The following ITPR1 variants were observed in gnomAD, a reference collection of about 807,000 sequenced individuals.
ITPR1 encodes the protein inositol 1,4,5-trisphosphate-gated calcium channel ITPR1.
ITPR1 carries 96 observed loss-of-function variants against 318.4 expected under a neutral mutation model. The ratio of observed to expected loss-of-function variants is 0.30; its 90% CI spans 0.26 to 0.36. ITPR1 has a LOEUF of 0.36. Among genes scored for constraint, ITPR1 ranks in the 10% least tolerant of loss-of-function variants. The pLI, the probability that ITPR1 is intolerant of heterozygous loss-of-function variation, is 1.00. For missense variants in ITPR1, 2,440 were observed against 3,460.2 expected (o/e 0.71, Z 7.40); for synonymous variants, 1,312 against 1,289.9 (o/e 1.02, Z -0.37).
intron 61 of ITPR1, among the ~76,000 whole-genome samples, chr3:4,839,000 A>T (rs1370442769): frequency 6.6e-6 from 1 of 152,222 alleles, no homozygotes; most frequent in Non-Finnish European, 1.5e-5. Flanking sequence ...GCCTCATCAA[A>T]GGAGTGAGTT....
intron 4 of ITPR1, among the ~76,000 whole-genome samples, chr3:4,527,135 G>A (rs140517966): frequency 1.2e-3 from 181 of 152,232 alleles, no homozygotes; most frequent in African/African-American, 3.8e-3. Context: ...TATGAGTGTC[G>A]TAGCCAGAGC....
At chr3:4,788,167 C>CAG (rs1559897453) in intron 52 of ITPR1, 28 bp downstream of exon 52, 2 of 1,545,698 alleles carry the variant, frequency 1.3e-6, no homozygotes, top group Non-Finnish European at 8.8e-7. Flanking sequence ...AGCAACAACA[C>CAG]AGAGAGACAC....
chr3:4,594,377 G>T (rs1165845281), intron 4 of ITPR1, among the ~76,000 whole-genome samples: 1 of 152,070 alleles, frequency 6.6e-6, no homozygotes, highest in Non-Finnish European at 1.5e-5. Context: ...TATCCTGGGA[G>T]CACTTCCTTA....
intron 42 of ITPR1, among the ~76,000 whole-genome samples, chr3:4,729,288 A>T (rs2042739179): frequency 6.6e-6 from 1 of 152,230 alleles, no homozygotes; most frequent in South Asian, 2.1e-4. Context: ...ACCTTAGGAC[A>T]GTGAGCTGTG....
At chr3:4,817,216 C>T (rs2049360929) in intron 59 of ITPR1, among the ~76,000 whole-genome samples, 1 of 152,182 alleles carries the variant, frequency 6.6e-6, no homozygotes, top group Non-Finnish European at 1.5e-5. Flanking sequence ...CTCCAAAGAG[C>T]CCCGGTTCTT....
At chr3:4,702,093 A>G (rs1250897600) in intron 35 of ITPR1, among the ~76,000 whole-genome samples, 1 of 152,082 alleles carries the variant, frequency 6.6e-6, no homozygotes, top group African/African-American at 2.4e-5. Flanking sequence ...TACCCTTTGA[A>G]TGGAGACCAA....
chr3:4,714,895 A>ATCATGTTT (rs772216907), intron 39 of ITPR1, among the ~76,000 whole-genome samples: 108 of 152,352 alleles, frequency 7.1e-4, no homozygotes, highest in Non-Finnish European at 1.3e-3. Context: ...CTAAAACATG[A>ATCATGTTT]TAGAATCACT....
chr3:4,768,141 G>C (rs757188162), intron 45 of ITPR1: 1 of 184,750 alleles, frequency 5.4e-6, no homozygotes, highest in African/African-American at 2.3e-5. Context: ...ATTGTGATTA[G>C]CATTATGTTG....
chr3:4,791,272 G>A (rs535063524), intron 52 of ITPR1, among the ~76,000 whole-genome samples: 4 of 152,138 alleles, frequency 2.6e-5, no homozygotes, highest in South Asian at 2.1e-4. Context: ...AGTAGAAAAC[G>A]TGCTGTAAGG....
intron 2 of ITPR1, among the ~76,000 whole-genome samples, chr3:4,497,274 G>A (rs2080663239): frequency 6.6e-6 from 1 of 152,220 alleles, no homozygotes; most frequent in Non-Finnish European, 1.5e-5. Context: ...TAAATTGGAT[G>A]TAGTTTAAGG....
At chr3:4,565,773 A>G (rs2087178135) in intron 4 of ITPR1, among the ~76,000 whole-genome samples, 2 of 152,246 alleles carry the variant, frequency 1.3e-5, no homozygotes, top group Non-Finnish European at 2.9e-5. Flanking sequence ...ACAGAATTAA[A>G]ATTTCAACTT....
intron 4 of ITPR1, chr3:4,595,968 C>T (rs1190604660): frequency 6.6e-6 from 1 of 152,152 alleles, no homozygotes; most frequent in African/African-American, 2.4e-5. Flanking sequence ...CCTGCCACTC[C>T]CACAACCACT....
intron 4 of ITPR1, among the ~76,000 whole-genome samples, chr3:4,587,041 A>T (rs2089977390): frequency 6.6e-6 from 1 of 152,124 alleles, no homozygotes; most frequent in African/African-American, 2.4e-5. Flanking sequence ...CCATCCTTGC[A>T]GTTGGTATAA....
intron 4 of ITPR1, among the ~76,000 whole-genome samples, chr3:4,567,747 A>G (rs150062515): frequency 0.023 from 3,462 of 152,162 alleles, 146 homozygotes; most frequent in African/African-American, 0.079. Flanking sequence ...GACTACAGGC[A>G]TGCGTCACCA....
At chr3:4,506,120 C>T (rs1042579458) in intron 2 of ITPR1, among the ~76,000 whole-genome samples, 1 of 152,204 alleles carries the variant, frequency 6.6e-6, no homozygotes, top group African/African-American at 2.4e-5. Flanking sequence ...TATCCCCATT[C>T]TGCAGATGAG....
intron 12 of ITPR1, among the ~76,000 whole-genome samples, chr3:4,655,795 T>C (rs1408383546): frequency 6.6e-6 from 1 of 152,116 alleles, no homozygotes; most frequent in Non-Finnish European, 1.5e-5. Context: ...TACTTCGATG[T>C]TGATTGGGGG....
At position 4,643,780 on chromosome 3, in the gene ITPR1, A is replaced by G. The variant is rs75272507; in HGVS notation, c.526-356A>G. ...ATAAAGTTATGGCTTTGTCAAAGAT[A>G]AAGACTTACTCTGACTCTATCTTGT... is the stretch of plus-strand genomic sequence containing the variant. On this transcript the variant is annotated intron_variant, in intron 7 of 61. Transcript: ENST00000649015. Among the ~76,000 whole-genome samples the G allele has an allele frequency of 1.3e-3, 204 of 152,334 alleles. 2 individuals are homozygous for G. The highest frequency in any genetic ancestry group is 4.8e-3 in the African/African-American group (200 of 41,570).
intron 46 of ITPR1, among the ~76,000 whole-genome samples, chr3:4,774,615 A>G (rs1188342152): frequency 6.6e-6 from 1 of 152,218 alleles, no homozygotes; most frequent in Non-Finnish European, 1.5e-5. Context: ...TCTTGCTCCT[A>G]TCTGTGCCTC....
intron 60 of ITPR1, among the ~76,000 whole-genome samples, chr3:4,834,010 G>A (rs1209102198): frequency 1.3e-5 from 2 of 152,162 alleles, no homozygotes; most frequent in East Asian, 1.9e-4. Flanking sequence ...TCCTGCCCCA[G>A]CTTCCCGAGT....
Sources: allele counts gnomAD v4.1 joint callset (sites outside exome capture counted in the v4.1 genomes callset), GRCh38; gene constraint gnomAD v4.1.1; transcripts MANE v1.5; gene names NCBI Gene and HGNC (gene_info 2026-07-23, HGNC 2026-07-21).